The following IMMP2L variants were observed in gnomAD, a reference collection of about 807,000 sequenced individuals.
The protein encoded by IMMP2L is mitochondrial inner membrane protease subunit 2.
In IMMP2L, 18 loss-of-function variants were observed where a neutral mutation model predicts 19.3. That is an observed-to-expected ratio of 0.93 (90% CI 0.64 to 1.38). IMMP2L has a LOEUF of 1.38. Among genes scored for constraint, IMMP2L ranks in the 40% most tolerant of loss-of-function variants. The pLI, the probability that IMMP2L is intolerant of heterozygous loss-of-function variation, is 0.00. For synonymous variants in IMMP2L, 76 were observed against 73.0 expected (o/e 1.04, Z -0.21); for missense variants, 233 against 218.2 (o/e 1.07, Z -0.43).
intron 5 of IMMP2L, among the ~76,000 whole-genome samples, chr7:110,716,852 A>G (rs557216361): frequency 9.9e-5 from 15 of 152,200 alleles, no homozygotes; most frequent in Non-Finnish European, 1.9e-4. Context: ...CCTATATGTG[A>G]TTGAAAGTGA....
intron 1 of IMMP2L, among the ~76,000 whole-genome samples, chr7:111,526,565 A>G (rs11770511): frequency 0.053 from 8,128 of 152,236 alleles, 311 homozygotes; most frequent in Middle Eastern, 0.092. Context: ...ATCCCATCAC[A>G]ATGAACAAAC....
At position 111,535,433 on chromosome 7, in the gene IMMP2L, C is replaced by CA. The variant is rs1585564840; in HGVS notation, c.-2-13985dup. Among the ~76,000 whole-genome samples the CA allele has an allele frequency of 2.6e-5, 4 of 152,192 alleles. No individual in the cohort carries two copies. The East Asian group carries it at 7.7e-4, about 29-fold the overall frequency. On this transcript the variant is annotated intron_variant, in intron 1 of 5. Coordinates refer to ENST00000405709, the MANE Select transcript of IMMP2L (RefSeq NM_032549.4). ...GAAAGATATTAAATGCAGGGCAAAACAATCTCATTAATATTCTTGATTTAT... is the reference window on the plus strand; with the variant it reads ...GAAAGATATTAAATGCAGGGCAAAACAAATCTCATTAATATTCTTGATTTAT...
chr7:111,272,662 T>C (rs1045525021), intron 3 of IMMP2L, among the ~76,000 whole-genome samples: 2 of 152,144 alleles, frequency 1.3e-5, no homozygotes, highest in African/African-American at 4.8e-5. Flanking sequence ...CAAACAAAAG[T>C]AGAAAAGAGC....
At chr7:111,391,987 A>G (rs1370372945) in intron 3 of IMMP2L, 1 of 702,986 alleles carries the variant, frequency 1.4e-6, no homozygotes, top group African/African-American at 1.7e-5. Flanking sequence ...AGAGGTTCAG[A>G]AAGTGTCTCC....
At chr7:111,192,317 A>C (rs1808973532) in intron 3 of IMMP2L, among the ~76,000 whole-genome samples, 1 of 152,174 alleles carries the variant, frequency 6.6e-6, no homozygotes. Flanking sequence ...TATAAGTATA[A>C]GGAACTCCAA....
intron 3 of IMMP2L, among the ~76,000 whole-genome samples, chr7:111,478,418 G>A (rs1005434180): frequency 1.3e-5 from 2 of 151,922 alleles, no homozygotes; most frequent in African/African-American, 4.8e-5. Flanking sequence ...TGGAGAGAGG[G>A]TCTTACTCTG....
intron 5 of IMMP2L, among the ~76,000 whole-genome samples, chr7:110,793,917 A>G (rs949391619): frequency 2.0e-5 from 3 of 152,164 alleles, no homozygotes; most frequent in Non-Finnish European, 2.9e-5. Context: ...AAAGGTGTCC[A>G]ACATGATATG....
intron 5 of IMMP2L, among the ~76,000 whole-genome samples, chr7:110,740,015 C>T (rs982999400): frequency 2.6e-5 from 4 of 151,956 alleles, no homozygotes; most frequent in Non-Finnish European, 4.4e-5. Flanking sequence ...TTGAACTGAA[C>T]GATAATAGTG....
chr7:110,991,962 TATC>T (rs767794985), intron 3 of IMMP2L, among the ~76,000 whole-genome samples: 2 of 152,188 alleles, frequency 1.3e-5, no homozygotes, highest in East Asian at 1.9e-4. Context: ...TTGCCAATCA[TATC>T]ATATCCATTG....
intron 3 of IMMP2L, among the ~76,000 whole-genome samples, chr7:111,112,003 A>G (rs939842514): frequency 8.1e-6 from 1 of 124,172 alleles, no homozygotes; most frequent in South Asian, 2.5e-4. Context: ...GCTGGAGTGC[A>G]GTGGTGCGAT....
intron 5 of IMMP2L, among the ~76,000 whole-genome samples, chr7:110,772,007 G>A (rs944665147): frequency 6.6e-5 from 10 of 152,092 alleles, no homozygotes; most frequent in Non-Finnish European, 1.3e-4. Context: ...TCCTGGGATC[G>A]GGGCTTTCTT....
chr7:110,972,339 T>G (rs1197877686), intron 3 of IMMP2L, among the ~76,000 whole-genome samples: 2 of 152,134 alleles, frequency 1.3e-5, no homozygotes, highest in Non-Finnish European at 2.9e-5. Flanking sequence ...CTATTTATAT[T>G]GCAATAACTT....
At chr7:111,042,067 T>G (rs2129571071) in intron 3 of IMMP2L, among the ~76,000 whole-genome samples, 1 of 152,364 alleles carries the variant, frequency 6.6e-6, no homozygotes, top group African/African-American at 2.4e-5. Flanking sequence ...TTAAATGAAA[T>G]AAGTAACACT....
chr7:110,832,078 G>A (rs972784761), intron 5 of IMMP2L, among the ~76,000 whole-genome samples: 6 of 152,102 alleles, frequency 3.9e-5, no homozygotes, highest in African/African-American at 7.2e-5. Context: ...CCTGGCCAAC[G>A]TGGTGAAACC....
At chr7:110,830,308 T>C (rs1246217194) in intron 5 of IMMP2L, among the ~76,000 whole-genome samples, 1 of 152,102 alleles carries the variant, frequency 6.6e-6, no homozygotes, top group African/African-American at 2.4e-5. Flanking sequence ...CGCTTCCTTC[T>C]AGAAGCTCAG....
chr7:111,464,348 T>C (rs1327539357), intron 3 of IMMP2L, among the ~76,000 whole-genome samples: 13 of 152,070 alleles, frequency 8.5e-5, no homozygotes, highest in Admixed American at 8.5e-4. Context: ...CCATGCATGG[T>C]AGTGTTGACC....
intron 3 of IMMP2L, among the ~76,000 whole-genome samples, chr7:111,087,471 AC>A (rs1280597080): frequency 1.3e-5 from 2 of 151,582 alleles, no homozygotes; most frequent in Admixed American, 6.6e-5. Flanking sequence ...AAAAAAAAAA[AC>A]AACGAAACAC....
chr7:110,789,731 C>T (rs749628450), intron 5 of IMMP2L, among the ~76,000 whole-genome samples: 10 of 151,638 alleles, frequency 6.6e-5, no homozygotes, highest in Non-Finnish European at 1.3e-4. Context: ...TTCCTACCGT[C>T]CTCCCTGCCT....
chr7:110,688,139 T>A (rs1181036860), intron 5 of IMMP2L, among the ~76,000 whole-genome samples: 1 of 152,066 alleles, frequency 6.6e-6, no homozygotes, highest in Non-Finnish European at 1.5e-5. Context: ...GTGGATCCTC[T>A]ATCATGAGCC....
Sources: allele counts gnomAD v4.1 joint callset (sites outside exome capture counted in the v4.1 genomes callset), GRCh38; gene constraint gnomAD v4.1.1; transcripts MANE v1.5; gene names NCBI Gene and HGNC (gene_info 2026-07-23, HGNC 2026-07-21).